PTPRN2: variants seen among roughly 807,000 people sequenced by gnomAD.
The protein encoded by PTPRN2 is protein tyrosine phosphatase receptor type N2, also known as receptor-type tyrosine-protein phosphatase N2.
Under a neutral mutation model 118.8 loss-of-function variants are expected in PTPRN2, and 74 were observed. That is an observed-to-expected ratio of 0.62 (90% CI 0.52 to 0.76). PTPRN2 has a LOEUF of 0.76. Ranked by LOEUF, PTPRN2 falls within the 30% of genes least tolerant of loss-of-function variation. The probability of loss-of-function intolerance (pLI) is 0.00; values close to 1 mark genes in which losing one functional copy is unlikely to be tolerated. For missense variants in PTPRN2, 1,481 were observed against 1,394.4 expected (o/e 1.06, Z -0.99); for synonymous variants, 641 against 608.0 (o/e 1.05, Z -0.80).
At chr7:157,818,867 C>T (rs529193125) in intron 12 of PTPRN2, among the ~76,000 whole-genome samples, 5 of 152,170 alleles carry the variant, frequency 3.3e-5, no homozygotes, top group Admixed American at 6.5e-5. Flanking sequence ...GAAGCTGGCC[C>T]GCCCTCCTCC....
At position 157,787,650 on chromosome 7, in the gene PTPRN2, G is replaced by T. The variant is rs1313685477; in HGVS notation, c.1789-104713C>A. ...GGACATGCATTTCACACTGACCGGG[G>T]CCTCCCTGGGACACCCTGAACACCT... On this transcript the variant is annotated intron_variant, in intron 12 of 22. Transcript: ENST00000389418. This position sits in a 1 kb window ranked among gnomAD's most constrained non-coding sequence, Gnocchi z 5.3. Among the ~76,000 whole-genome samples the T allele has an allele frequency of 1.3e-5, 2 of 152,136 alleles. No individual in the cohort carries two copies. The highest frequency in any genetic ancestry group is 4.8e-5 in the African/African-American group (2 of 41,434).
chr7:158,226,086 A>G (rs1253392513), intron 3 of PTPRN2, among the ~76,000 whole-genome samples: 3 of 152,222 alleles, frequency 2.0e-5, no homozygotes, highest in Non-Finnish European at 2.9e-5. Context: ...TTAAAGATAC[A>G]TAGCAGTTTC....
intron 12 of PTPRN2, among the ~76,000 whole-genome samples, chr7:157,728,530 T>C (rs1315673462): frequency 1.3e-5 from 2 of 152,156 alleles, no homozygotes; most frequent in African/African-American, 4.8e-5. Flanking sequence ...ATAACTCAAA[T>C]TGGATTTTAG....
At chr7:158,371,255 G>A (rs1299126086) in intron 2 of PTPRN2, among the ~76,000 whole-genome samples, 1 of 150,966 alleles carries the variant, frequency 6.6e-6, no homozygotes, top group Non-Finnish European at 1.5e-5. Context: ...AAAAATTTAG[G>A]TGAAAAAAAG....
At chr7:158,516,877 G>A (rs1823613491) in intron 1 of PTPRN2, among the ~76,000 whole-genome samples, 1 of 152,044 alleles carries the variant, frequency 6.6e-6, no homozygotes, top group African/African-American at 2.4e-5. Context: ...TGCTGTTCTT[G>A]GTGCTTCTGC....
chr7:157,984,021 A>G (rs1009963197), intron 11 of PTPRN2, among the ~76,000 whole-genome samples: 4 of 152,108 alleles, frequency 2.6e-5, no homozygotes, highest in Non-Finnish European at 5.9e-5. Context: ...GGGGCCCGTG[A>G]GATGGAGAAT....
intron 12 of PTPRN2, among the ~76,000 whole-genome samples, chr7:157,878,016 A>G (rs1472169368): frequency 1.3e-5 from 2 of 152,238 alleles, no homozygotes; most frequent in Non-Finnish European, 2.9e-5. Context: ...CTTGATGCGG[A>G]GCGAAGGCTA....
rs971963561 is a variant in PTPRN2, at chr7:157,903,898, G to A, written c.1724-5161C>T. ...CTTCACAAGCAGCTGTGAGGACCAC[G>A]TGGGAGCCTCTGAGCCAGCATGGCC... On this transcript the variant is annotated intron_variant, in intron 11 of 22. Coordinates refer to ENST00000389418, the MANE Select transcript of PTPRN2 (RefSeq NM_002847.5). This position sits in a 1 kb window ranked among gnomAD's most constrained non-coding sequence, Gnocchi z 4.2. 6.6e-6 allele frequency among the ~76,000 whole-genome samples: 1 copy of A among 152,192 alleles called. No individual in the cohort carries two copies. The highest frequency in any genetic ancestry group is 2.1e-4 in the South Asian group (1 of 4,830).
intron 9 of PTPRN2, among the ~76,000 whole-genome samples, chr7:158,122,750 G>A (rs1817274038): frequency 6.6e-6 from 1 of 152,212 alleles, no homozygotes; most frequent in South Asian, 2.1e-4. Flanking sequence ...AAACTCCCAG[G>A]AGAAAAGCTC....
intron 11 of PTPRN2, among the ~76,000 whole-genome samples, chr7:157,982,740 C>T (rs112212395): frequency 3.0e-4 from 28 of 92,326 alleles, no homozygotes; most frequent in South Asian, 9.0e-4. Context: ...GTCACAGAGA[C>T]GAGGAGGGGA....
At chr7:157,726,859 G>A (rs1799632472) in intron 12 of PTPRN2, among the ~76,000 whole-genome samples, 1 of 149,792 alleles carries the variant, frequency 6.7e-6, no homozygotes, top group African/African-American at 2.6e-5. Flanking sequence ...TTGAACACAT[G>A]TTTCTCCAAA....
At chr7:158,489,885 C>T in intron 1 of PTPRN2, 100 bp from the exon 2 acceptor site, 1 of 1,158,154 alleles carries the variant, frequency 8.6e-7, no homozygotes, top group Non-Finnish European at 1.2e-6. Context: ...AGAGAAACCG[C>T]CGGTCAAGCA....
chr7:157,656,628 C>T (rs113834141), intron 13 of PTPRN2, 77 bp from the exon 14 acceptor site: 150 of 1,325,396 alleles, frequency 1.1e-4, no homozygotes, highest in African/African-American at 3.0e-4. Flanking sequence ...ACGGCACCCA[C>T]GTGGCACAAC....
intron 11 of PTPRN2, among the ~76,000 whole-genome samples, chr7:158,019,448 G>A (rs1279960509): frequency 2.0e-5 from 3 of 152,258 alleles, no homozygotes; most frequent in Admixed American, 6.5e-5. Flanking sequence ...TGGAGTGACC[G>A]TGTCAGACAG....
At chr7:158,019,222 T>C (rs2128874661) in intron 11 of PTPRN2, among the ~76,000 whole-genome samples, 1 of 152,348 alleles carries the variant, frequency 6.6e-6, no homozygotes, top group South Asian at 2.1e-4. Flanking sequence ...TGCAGGGGCC[T>C]CCCCGATCCT....
chr7:158,326,527 G>A (rs1191116546), intron 2 of PTPRN2, among the ~76,000 whole-genome samples: 2 of 152,194 alleles, frequency 1.3e-5, no homozygotes, highest in Non-Finnish European at 2.9e-5. Flanking sequence ...GCAGACACAT[G>A]CACATATGCA....
Position 157,611,211 on chromosome 7 carries a change from C to T in PTPRN2, c.2345-7136G>A, listed in dbSNP as rs755022907. 4.3e-4 allele frequency among the ~76,000 whole-genome samples: 66 copies of T among 152,118 alleles called. No homozygotes were observed. The highest frequency in any genetic ancestry group is 8.8e-4 in the Non-Finnish European group (60 of 68,034). On this transcript the variant is annotated intron_variant, in intron 15 of 22. Transcript: ENST00000389418. The surrounding 1 kb of genome is among the most constrained non-coding windows in gnomAD (Gnocchi z 5.9). Reference sequence around the variant, plus strand: ...CTCATGTCTTAAATGGTTTCACTGGCATCCCCCACAGACAGATCTCTCAGA... The same window carrying T: ...CTCATGTCTTAAATGGTTTCACTGGTATCCCCCACAGACAGATCTCTCAGA...
intron 12 of PTPRN2, among the ~76,000 whole-genome samples, chr7:157,771,901 AACACACACAGACAAACACACAGAG>A (rs1284656946): frequency 1.3e-5 from 2 of 149,878 alleles, no homozygotes; most frequent in African/African-American, 2.5e-5. Flanking sequence ...CACAGACACA[AACACACACAGACAAACACACAGAG>A]ACACACACAG....
rs1169287054 is a variant in PTPRN2 at position 157,610,654 on chromosome 7, G to A, written c.2345-6579C>T. Among the ~76,000 whole-genome samples, 1 of 152,196 alleles carries A rather than the reference G, an allele frequency of 6.6e-6. No homozygotes were observed. Among genetic ancestry groups the A allele is most frequent in the Non-Finnish European group, 1.5e-5 (1 of 68,040 alleles). ...AAAGGCCTTTGAACTTGTCATAGTT[G>A]AGGCAAAGGAATAAATGATCGGACC... On this transcript the variant is annotated intron_variant, in intron 15 of 22. Transcript: ENST00000389418. This position sits in a 1 kb window ranked among gnomAD's most constrained non-coding sequence, Gnocchi z 5.1.
Sources: gnomAD v4.1 joint callset for allele counts (sites outside exome capture counted in the v4.1 genomes callset) on GRCh38, gnomAD v4.1.1 for gene constraint, Gnocchi (gnomAD v3.1) non-coding constraint, MANE v1.5 for transcripts, NCBI Gene and HGNC (gene_info 2026-07-23, HGNC 2026-07-21) for gene names.